LRFN5: variants seen among roughly 807,000 people sequenced by gnomAD.
LRFN5 encodes leucine-rich repeat and fibronectin type-III domain-containing protein 5.
In LRFN5, 24 loss-of-function variants were observed where a neutral mutation model predicts 45.6. The observed-to-expected ratio is 0.53, with a 90% CI of 0.38 to 0.74. LRFN5 has a LOEUF of 0.74. LRFN5 is among the 30% of genes least tolerant of loss of function. LRFN5 has a pLI of 0.00. For missense variants in LRFN5, 776 were observed against 861.5 expected, an observed-to-expected ratio of 0.90 and a Z score of 1.24; for synonymous variants, 340 against 313.8, an observed-to-expected ratio of 1.08 and a Z score of -0.88.
At chr14:41,704,945 A>G (rs1381525857) in intron 1 of LRFN5, among the ~76,000 whole-genome samples, 1 of 152,154 alleles carries the variant, frequency 6.6e-6, no homozygotes, top group Non-Finnish European at 1.5e-5. Flanking sequence ...TAAAGAATAA[A>G]AGATAAAAAT....
chr14:41,879,000 G>GA (rs1890281000), intron 2 of LRFN5, among the ~76,000 whole-genome samples: 1 of 151,806 alleles, frequency 6.6e-6, no homozygotes, highest in African/African-American at 2.4e-5. Flanking sequence ...AATAACTTGG[G>GA]AAAAATCATT....
chr14:41,673,829 C>T (rs1331125216), intron 1 of LRFN5, among the ~76,000 whole-genome samples: 1 of 146,968 alleles, frequency 6.8e-6, no homozygotes, highest in African/African-American at 2.5e-5. Context: ...CCGGATGGGG[C>T]AGATGGCCGG....
intron 2 of LRFN5, among the ~76,000 whole-genome samples, chr14:41,824,804 T>TAGCA (rs1298724681): frequency 2.6e-5 from 4 of 152,056 alleles, no homozygotes; most frequent in Non-Finnish European, 4.4e-5. Flanking sequence ...TCATAATTAC[T>TAGCA]AGCACTGCCC....
chr14:41,621,137 A>C (rs1218963782), intron 1 of LRFN5, among the ~76,000 whole-genome samples: 2 of 152,110 alleles, frequency 1.3e-5, no homozygotes, highest in African/African-American at 4.8e-5. Flanking sequence ...CACGAAAAAG[A>C]AAAGAGTCCT....
At chr14:41,861,901 C>A (rs1181281692) in intron 2 of LRFN5, among the ~76,000 whole-genome samples, 1 of 152,116 alleles carries the variant, frequency 6.6e-6, no homozygotes, top group East Asian at 1.9e-4. Context: ...GTGTCCCCAC[C>A]CAAATCTCAT....
At chr14:41,722,611 C>T (rs73305573) in intron 1 of LRFN5, among the ~76,000 whole-genome samples, 5,269 of 150,430 alleles carry the variant, frequency 0.035, 312 homozygotes, top group African/African-American at 0.12. Context: ...GTCCCCACTC[C>T]GGGGTGTGAT....
At chr14:41,797,888 A>G (rs921265987) in intron 2 of LRFN5, among the ~76,000 whole-genome samples, 1 of 151,734 alleles carries the variant, frequency 6.6e-6, no homozygotes, top group Non-Finnish European at 1.5e-5. Context: ...GAATTTTTTA[A>G]TGTTTGGATT....
intron 1 of LRFN5, among the ~76,000 whole-genome samples, chr14:41,624,748 G>T (rs1888263553): frequency 6.6e-6 from 1 of 152,102 alleles, no homozygotes; most frequent in Non-Finnish European, 1.5e-5. Flanking sequence ...AAACAAAGAA[G>T]CAAAAGTTCT....
chr14:41,820,488 A>G (rs1212543216), intron 2 of LRFN5, among the ~76,000 whole-genome samples: 2 of 152,104 alleles, frequency 1.3e-5, no homozygotes, highest in Non-Finnish European at 2.9e-5. Flanking sequence ...TTTTTATACC[A>G]GTACCATACT....
At chr14:41,748,353 T>A (rs1239980087) in intron 1 of LRFN5, among the ~76,000 whole-genome samples, 1 of 152,006 alleles carries the variant, frequency 6.6e-6, no homozygotes, top group Non-Finnish European at 1.5e-5. Flanking sequence ...AAAAAACAAC[T>A]TATATATGAT....
chr14:41,793,579 T>G (rs2138950555), intron 2 of LRFN5, among the ~76,000 whole-genome samples: 1 of 152,090 alleles, frequency 6.6e-6, no homozygotes, highest in African/African-American at 2.4e-5. Flanking sequence ...ACACTACAAT[T>G]TATTGTCCAA....
At chr14:41,778,595 A>T (rs1010330532) in intron 2 of LRFN5, among the ~76,000 whole-genome samples, 14 of 151,748 alleles carry the variant, frequency 9.2e-5, no homozygotes, top group Non-Finnish European at 1.9e-4. Context: ...TAATGAAGAA[A>T]GGTTTATAAA....
chr14:41,901,322 C>T (rs7493974), intron 5 of LRFN5, among the ~76,000 whole-genome samples: 54,840 of 151,612 alleles, frequency 0.36, 10,356 homozygotes, highest in East Asian at 0.68. Context: ...TTATGCTGTT[C>T]GGCAGTTAAG....
intron 2 of LRFN5, among the ~76,000 whole-genome samples, chr14:41,791,218 A>C (rs1886908343): frequency 6.6e-6 from 1 of 151,854 alleles, no homozygotes. Flanking sequence ...TTCCAACTTT[A>C]TTGAAATTGT....
intron 1 of LRFN5, among the ~76,000 whole-genome samples, chr14:41,649,106 C>A (rs1009961477): frequency 6.6e-6 from 1 of 151,494 alleles, no homozygotes; most frequent in East Asian, 1.9e-4. Flanking sequence ...TTGTGGCGGG[C>A]GCCTGTCATC....
At chr14:41,609,231 C>T (rs1301081079) in intron 1 of LRFN5, among the ~76,000 whole-genome samples, 1 of 152,178 alleles carries the variant, frequency 6.6e-6, no homozygotes, top group African/African-American at 2.4e-5. Context: ...TTATATCTAG[C>T]AGAACCAGGC....
Position 41,891,535 on chromosome 14 carries a change from T to A in LRFN5, c.1671T>A (p.Asn557Lys). The A allele has an allele frequency of 6.2e-7, 1 of 1,614,180 alleles. No homozygotes were observed. Among genetic ancestry groups the A allele is most frequent in the South Asian group, 1.1e-5 (1 of 91,084 alleles). ...TGATCCGGTATAAGGTTTGCAACAATAATGGGCAACACAAGGTCACCAAGG... is the reference window on the plus strand; with the variant it reads ...TGATCCGGTATAAGGTTTGCAACAAAAATGGGCAACACAAGGTCACCAAGG... ...ILMIRYKVCN[N>K]NGQHKVTKVS... Residue 557 changes from asparagine to lysine, a missense_variant, in exon 4 of 6, where the codon AAT becomes AAA. Physicochemically the swap from Asn to Lys is moderately conservative, Grantham distance 94. Transcript: ENST00000298119.
rs1175467625 is a variant in LRFN5, at chr14:41,862,865, T to C, written c.-20-23741T>C. Among the ~76,000 whole-genome samples, 4 of 87,204 alleles carry C rather than the reference T, an allele frequency of 4.6e-5. 1 individual carries two copies. The Middle Eastern group carries it at 0.017, about 376-fold the overall frequency. 57.2% of individuals were successfully genotyped at this position (87,204 alleles called of 152,430 possible). A position where few individuals can be genotyped will look rare whatever the true frequency, so the allele number is the denominator to read the frequency against. On this transcript the variant is annotated intron_variant, in intron 2 of 5. Coordinates refer to ENST00000298119, the MANE Select transcript of LRFN5 (RefSeq NM_152447.5). ...GAAGTGCTTATTTAAGTCTCTCTTTTTTTTTTTTTTTTTTTTTGATACGGA... is the reference window on the plus strand; with the variant it reads ...GAAGTGCTTATTTAAGTCTCTCTTTCTTTTTTTTTTTTTTTTTGATACGGA...
chr14:41,673,338 CGGGGGGCTGA>C (rs1881336239), intron 1 of LRFN5, among the ~76,000 whole-genome samples: 1 of 143,860 alleles, frequency 7.0e-6, no homozygotes, highest in Non-Finnish European at 1.6e-5. Context: ...GCTGGCCGGG[CGGGGGGCTGA>C]CCCCCCACCT....
Sources: gnomAD v4.1 joint callset for allele counts (sites outside exome capture counted in the v4.1 genomes callset) on GRCh38, gnomAD v4.1.1 for gene constraint, MANE v1.5 for transcripts, NCBI Gene and HGNC (gene_info 2026-07-23, HGNC 2026-07-21) for gene names.